The following CRAMP1 variants were observed in gnomAD, a reference collection of about 807,000 sequenced individuals.
CRAMP1 encodes protein cramped-like.
A neutral mutation model predicts 115.4 loss-of-function variants in CRAMP1; 50 were observed. That is an observed-to-expected ratio of 0.43 (90% confidence interval 0.35 to 0.55). The LOEUF (loss-of-function observed/expected upper bound fraction) is 0.55. Ranked by LOEUF, CRAMP1 falls within the 20% of genes least tolerant of loss-of-function variation. CRAMP1 has a pLI of 0.01. For synonymous variants in CRAMP1, 866 were observed against 745.4 expected (o/e 1.16, Z -2.64); for missense variants, 1,679 against 1,721.7 (o/e 0.98, Z 0.44).
intron 2 of CRAMP1, among the ~76,000 whole-genome samples, chr16:1,620,924 C>T (rs1203859536): frequency 2.0e-5 from 3 of 146,588 alleles, no homozygotes; most frequent in Non-Finnish European, 3.0e-5. Context: ...TCCCCCATTT[C>T]ATTTTTTTTT....
intron 3 of CRAMP1, among the ~76,000 whole-genome samples, chr16:1,628,899 C>A (rs1169357782): frequency 6.6e-6 from 1 of 152,210 alleles, no homozygotes; most frequent in Admixed American, 6.5e-5. Context: ...GAGTGCTGCC[C>A]CTGCACACCC....
rs764470515 is a variant in CRAMP1 at position 1,656,245 on chromosome 16, G to C, written c.1488G>C (p.Gly496=). ...AGAGTTCCCCCGAAAGCGCCCCCGG[G>C]GAGGGGGCTGCCCTAAGCTTGAGCA... ...SGESSPESAP[G]EGAALSLSSP... The change falls in exon 10 of 21, where the codon GGG becomes GGC. Residue 496 remains glycine (G), a synonymous_variant. Transcript: ENST00000397412. The surrounding 1 kb of genome is among the most constrained non-coding windows in gnomAD (Gnocchi z 5.6). The C allele has an allele frequency of 1.2e-6, 2 of 1,609,638 alleles. No individual in the cohort carries two copies. The highest frequency in any genetic ancestry group is 1.7e-4 in the Middle Eastern group (1 of 6,058).
intron 3 of CRAMP1, among the ~76,000 whole-genome samples, chr16:1,630,180 G>A (rs1202092162): frequency 6.6e-6 from 1 of 151,966 alleles, no homozygotes. Context: ...AGTCAGTCTT[G>A]CTTTGTCACC....
rs1207724536 is a variant in CRAMP1, at chr16:1,671,948, C to T, written c.3645+1139C>T. 6.6e-6 allele frequency among the ~76,000 whole-genome samples: 1 copy of T among 152,234 alleles called. No homozygotes were observed. The highest frequency in any genetic ancestry group is 2.4e-5 in the African/African-American group (1 of 41,458). ...TCACAGTGTGTGGCGTTTCTCAAAC[C>T]TGTTTGGCCCCAGAATCATTATTCA... On this transcript the variant is annotated intron_variant, in intron 20 of 20. Transcript: ENST00000397412. The surrounding 1 kb of genome is among the most constrained non-coding windows in gnomAD (Gnocchi z 5.0).
chr16:1,626,772 C>T (rs1159861841), intron 3 of CRAMP1, among the ~76,000 whole-genome samples: 2 of 152,188 alleles, frequency 1.3e-5, no homozygotes, highest in Non-Finnish European at 2.9e-5. Flanking sequence ...TTGCATTTTT[C>T]ACGGTGTTTC....
At position 1,668,078 on chromosome 16, in the gene CRAMP1, T is replaced by G. The variant is rs1277944717; in HGVS notation, c.3219T>G (p.Ser1073=). ...SSTRLSPPDV[S]ALLDISLPGP... The stretch of plus-strand genomic sequence containing the variant: ...CCCGGCTGTCTCCACCAGACGTCTC[T>G]GCTCTGCTCGACATCTCCCTGCCCG... The change falls in exon 18 of 21, where the codon TCT becomes TCG. Residue 1073 remains serine (S), a synonymous_variant. Transcript: ENST00000397412. The G allele has an allele frequency of 6.2e-7, 1 of 1,613,864 alleles. No homozygotes were observed. Among genetic ancestry groups the G allele is most frequent in the East Asian group, 2.2e-5 (1 of 44,874 alleles).
rs746271892 is a variant in CRAMP1 at position 1,653,174 on chromosome 16, A to G, written c.1037+18A>G. Reference sequence around the variant, plus strand: ...CGCCTCAGGTAACATGGCCCTTGGCACGCAGAGGGGTCCCAACTGCTTGAG... The same window carrying G: ...CGCCTCAGGTAACATGGCCCTTGGCGCGCAGAGGGGTCCCAACTGCTTGAG... On this transcript the variant is annotated intron_variant, in intron 8 of 20. Coordinates refer to ENST00000397412, the MANE Select transcript of CRAMP1 (RefSeq NM_020825.4). 4 of 1,602,670 alleles carry G rather than the reference A, an allele frequency of 2.5e-6. No individual in the cohort carries two copies. The highest frequency in any genetic ancestry group is 3.4e-6 in the Non-Finnish European group (4 of 1,174,884).
chr16:1,657,020 G>T, intron 10 of CRAMP1, 28 bp downstream of exon 10: 1 of 1,472,938 alleles, frequency 6.8e-7, no homozygotes, highest in East Asian at 2.4e-5. Flanking sequence ...CAGCCCCTCT[G>T]GCGGCCCAAG....
chr16:1,638,721 G>A (rs969459533), intron 5 of CRAMP1, among the ~76,000 whole-genome samples: 5 of 152,170 alleles, frequency 3.3e-5, no homozygotes, highest in African/African-American at 4.8e-5. Context: ...CAGCTAGCAT[G>A]TCACAGCTCA....
intron 5 of CRAMP1, among the ~76,000 whole-genome samples, chr16:1,640,050 G>T (rs565627788): frequency 6.6e-6 from 1 of 152,180 alleles, no homozygotes; most frequent in Non-Finnish European, 1.5e-5. Context: ...GCCGGTTTCC[G>T]CAACCGGTTC....
chr16:1,615,026 C>T (rs2036405913), intron 2 of CRAMP1, 41 bp downstream of exon 2: 1 of 1,146,026 alleles, frequency 8.7e-7, no homozygotes, highest in Non-Finnish European at 1.1e-6. Flanking sequence ...AGCCCCTCTC[C>T]GGGGTGTGCC....
chr16:1,616,185 C>A (rs2036417506), intron 2 of CRAMP1, among the ~76,000 whole-genome samples: 1 of 152,214 alleles, frequency 6.6e-6, no homozygotes, highest in African/African-American at 2.4e-5. Flanking sequence ...AGTTGCTGAT[C>A]AATTTGGAAA....
chr16:1,672,962 C>T lies in CRAMP1; in HGVS notation c.3646-919C>T, dbSNP rs143282041. Among the ~76,000 whole-genome samples the T allele has an allele frequency of 6.6e-6, 1 of 152,386 alleles. No individual in the cohort carries two copies. The highest frequency in any genetic ancestry group is 1.5e-5 in the Non-Finnish European group (1 of 68,044). ...TTGCTTCTTTAAAAAGGAACGTACTCCCCATGTGTCCTCATGTCTCTGACG... is the reference window on the plus strand; with the variant it reads ...TTGCTTCTTTAAAAAGGAACGTACTTCCCATGTGTCCTCATGTCTCTGACG... On this transcript the variant is annotated intron_variant, in intron 20 of 20. Transcript: ENST00000397412. This position sits in a 1 kb window ranked among gnomAD's most constrained non-coding sequence, Gnocchi z 4.9.
intron 2 of CRAMP1, among the ~76,000 whole-genome samples, chr16:1,619,259 C>G (rs538121676): frequency 2.6e-5 from 4 of 152,348 alleles, no homozygotes; most frequent in Non-Finnish European, 4.4e-5. Flanking sequence ...CAACTCACTG[C>G]AATCTCCGCC....
At chr16:1,632,833 G>A (rs1030139085) in intron 4 of CRAMP1, among the ~76,000 whole-genome samples, 1 of 152,210 alleles carries the variant, frequency 6.6e-6, no homozygotes, top group Non-Finnish European at 1.5e-5. Context: ...GTTCAGTCAC[G>A]GGACCAAGTC....
chr16:1,613,174 G>A (rs1490101612), intron 1 of CRAMP1, among the ~76,000 whole-genome samples: 2 of 152,144 alleles, frequency 1.3e-5, no homozygotes, highest in African/African-American at 4.8e-5. Context: ...GGGGAAGAGT[G>A]GGAAGTCTTG....
chr16:1,654,472 A>T (rs1184526693), intron 8 of CRAMP1, among the ~76,000 whole-genome samples: 1 of 152,178 alleles, frequency 6.6e-6, no homozygotes, highest in South Asian at 2.1e-4. Context: ...TCGGCCTCCC[A>T]AAGTGTTGGG....
chr16:1,660,991 G>A (rs767437978), intron 11 of CRAMP1, among the ~76,000 whole-genome samples: 1 of 151,502 alleles, frequency 6.6e-6, no homozygotes, highest in Non-Finnish European at 1.5e-5. Flanking sequence ...CTCGGGCAAC[G>A]GAGCGAGACT....
In CRAMP1 at chr16:1,677,899, G is replaced by A. The variant is rs953072581; in HGVS notation, c.*3854G>A. 4 of 173,072 alleles carry A rather than the reference G, an allele frequency of 2.3e-5. No homozygotes were observed. Among genetic ancestry groups the A allele is most frequent in the Non-Finnish European group, 3.7e-5 (3 of 81,900 alleles). The allele number at this position is 173,072 out of a possible 1,614,324, so 10.7% of individuals were successfully genotyped here. ...TTATTGTGCATAAATACATACTAAT[G>A]TTGATCTAAGGACTGTCGTTTGTGC... On this transcript the variant is annotated 3_prime_UTR_variant, in exon 21 of 21. Transcript: ENST00000397412.
Sources: gnomAD v4.1 joint callset for allele counts (sites outside exome capture counted in the v4.1 genomes callset) on GRCh38, gnomAD v4.1.1 for gene constraint, Gnocchi (gnomAD v3.1) non-coding constraint, MANE v1.5 for transcripts, NCBI Gene and HGNC (gene_info 2026-07-23, HGNC 2026-07-21) for gene names.